Variants in CMYA5 observed in about 807,000 individuals in gnomAD.
The protein encoded by CMYA5 is cardiomyopathy associated 5, also known as cardiomyopathy-associated protein 5.
Under a neutral mutation model 318.9 loss-of-function variants are expected in CMYA5, and 246 were observed. The ratio of observed to expected loss-of-function variants is 0.77; its 90% CI spans 0.70 to 0.86. The LOEUF (loss-of-function observed/expected upper bound fraction) is 0.86, where lower values mean the gene tolerates loss of function less well. CMYA5 is among the 40% of genes least tolerant of loss of function. The pLI, the probability that CMYA5 is intolerant of heterozygous loss-of-function variation, is 0.00. For missense variants in CMYA5, 4,589 were observed against 4,678.2 expected, an observed-to-expected ratio of 0.98 and a Z score of 0.56; for synonymous variants, 1,641 against 1,729.5, an observed-to-expected ratio of 0.95 and a Z score of 1.27.
chr5:79,723,354 G>A (rs562993754), intron 1 of CMYA5, among the ~76,000 whole-genome samples: 8 of 150,980 alleles, frequency 5.3e-5, no homozygotes, highest in African/African-American at 7.3e-5. Flanking sequence ...CAGGAGAATC[G>A]CTTGAACTCT....
intron 9 of CMYA5, among the ~76,000 whole-genome samples, chr5:79,769,615 G>A (rs1490036289): frequency 6.6e-6 from 1 of 152,130 alleles, no homozygotes; most frequent in African/African-American, 2.4e-5. Context: ...GTTTGCCTGG[G>A]TATCACAAGC....
intron 1 of CMYA5, among the ~76,000 whole-genome samples, chr5:79,705,617 G>C (rs1196157685): frequency 1.3e-5 from 2 of 152,120 alleles, no homozygotes; most frequent in Admixed American, 1.3e-4. Context: ...ATTGAACAGA[G>C]CTACAGACCT....
rs762823517 is a variant in CMYA5, at chr5:79,736,595, A to G, written c.7830A>G (p.Arg2610=). The G allele has an allele frequency of 2.5e-6, 4 of 1,613,826 alleles. No homozygotes were observed. The highest frequency in any genetic ancestry group is 3.4e-6 in the Non-Finnish European group (4 of 1,179,802). The change falls in exon 2 of 13, where the codon AGA becomes AGG. Residue 2610 remains arginine, a synonymous_variant. Coordinates refer to ENST00000446378, the MANE Select transcript of CMYA5 (RefSeq NM_153610.5). ...TCGCAGAGGCTCACCCAGAAATCAG[A>G]GAAGCAAAGGCAGTAGGAACCCAAC... The part of the protein sequence containing the change: ...AMLAEAHPEI[R]EAKAVGTQPH...
chr5:79,729,527 T>TAA lies in CMYA5; in HGVS notation c.764_765dup (p.Glu256LysfsTer15), dbSNP rs780793998. The stretch of plus-strand genomic sequence containing the variant: ...GAACATTGCCAAAGGGTTATGTAAT[T>TAA]AAAGAAATACATTATAGGAAAGGGA... On this transcript the variant is annotated frameshift_variant, in exon 2 of 13. Transcript: ENST00000446378. LOFTEE classifies it high-confidence loss of function. 43 of 1,612,290 alleles carry TAA rather than the reference T, an allele frequency of 2.7e-5. No homozygotes were observed. The South Asian group carries it at 4.7e-4, about 18-fold the overall frequency.
intron 12 of CMYA5, among the ~76,000 whole-genome samples, chr5:79,795,950 C>G (rs1206574969): frequency 6.6e-6 from 1 of 152,216 alleles, no homozygotes; most frequent in East Asian, 1.9e-4. Flanking sequence ...CCCACGCAGG[C>G]AGGCTTGGCT....
At chr5:79,717,069 G>A (rs1388677050) in intron 1 of CMYA5, among the ~76,000 whole-genome samples, 2 of 152,162 alleles carry the variant, frequency 1.3e-5, no homozygotes, top group Admixed American at 6.5e-5. Flanking sequence ...CCCCAGGCAA[G>A]CAAACCACTC....
chr5:79,710,258 T>C (rs774673421), intron 1 of CMYA5, among the ~76,000 whole-genome samples: 7 of 152,152 alleles, frequency 4.6e-5, no homozygotes, highest in African/African-American at 7.2e-5. Flanking sequence ...AAATATGTTA[T>C]TGATGTTGAC....
chr5:79,760,133 C>T (rs1026188047), intron 7 of CMYA5, among the ~76,000 whole-genome samples: 1 of 150,590 alleles, frequency 6.6e-6, no homozygotes, highest in Admixed American at 6.6e-5. Context: ...CTATTTCTAG[C>T]TCTATTTCAT....
At chr5:79,762,039 A>G (rs1828663296) in intron 8 of CMYA5, 82 bp downstream of exon 8, 3 of 1,435,512 alleles carry the variant, frequency 2.1e-6, no homozygotes, top group Non-Finnish European at 2.8e-6. Flanking sequence ...GTAAGTGTTT[A>G]TTAAGCACCT....
intron 9 of CMYA5, among the ~76,000 whole-genome samples, chr5:79,769,109 G>A (rs4704587): frequency 0.11 from 16,233 of 151,786 alleles, 1,152 homozygotes; most frequent in East Asian, 0.31. Flanking sequence ...TTGTGTAGGC[G>A]TCAAGAAGTT....
At chr5:79,699,898 AT>A (rs1312301720) in intron 1 of CMYA5, among the ~76,000 whole-genome samples, 1 of 152,226 alleles carries the variant, frequency 6.6e-6, no homozygotes, top group Non-Finnish European at 1.5e-5. Flanking sequence ...TACTTGACTC[AT>A]TAAAAGAAAA....
chr5:79,776,477 C>T (rs1828940485), intron 9 of CMYA5, among the ~76,000 whole-genome samples: 1 of 152,096 alleles, frequency 6.6e-6, no homozygotes, highest in Non-Finnish European at 1.5e-5. Flanking sequence ...CTCATGTTCT[C>T]AAGTAGTTTT....
intron 11 of CMYA5, among the ~76,000 whole-genome samples, chr5:79,792,341 G>A (rs1829195487): frequency 6.6e-6 from 1 of 152,148 alleles, no homozygotes; most frequent in Non-Finnish European, 1.5e-5. Context: ...AAAATAGATT[G>A]AAGAAATAGA....
intron 1 of CMYA5, among the ~76,000 whole-genome samples, chr5:79,694,969 C>G (rs1051762896): frequency 2.6e-5 from 4 of 152,086 alleles, no homozygotes; most frequent in Non-Finnish European, 5.9e-5. Context: ...TATTTTATGT[C>G]CTTGGTAAGA....
In CMYA5 at chr5:79,738,105, A is replaced by C. The variant is rs776304789; in HGVS notation, c.9340A>C (p.Ser3114Arg). The C allele has an allele frequency of 1.2e-6, 2 of 1,613,546 alleles. No individual in the cohort carries two copies. The highest frequency in any genetic ancestry group is 1.7e-6 in the Non-Finnish European group (2 of 1,179,780). ...HEYDLVKLDE[S>R]FYGPEKGHNI... is the part of the protein sequence containing the mutation. ...ATATGACTTGGTGAAATTAGATGAA[A>C]GTTTTTATGGACCAGAAAAGGGCCA... The change falls in exon 2 of 13, where the codon AGT becomes CGT. Residue 3114 changes from serine (S) to arginine (R), a missense_variant. By Grantham distance (110) the Ser-to-Arg change is moderately radical (BLOSUM62 -1). Transcript: ENST00000446378.
At chr5:79,796,784 C>T (rs1486287704) in intron 12 of CMYA5, among the ~76,000 whole-genome samples, 12 of 152,130 alleles carry the variant, frequency 7.9e-5, no homozygotes, top group African/African-American at 2.7e-4. Flanking sequence ...TAAATGATGT[C>T]ATTATTTTAT....
chr5:79,766,033 G>A (rs1224035837), intron 9 of CMYA5, among the ~76,000 whole-genome samples: 1 of 152,168 alleles, frequency 6.6e-6, no homozygotes, highest in Non-Finnish European at 1.5e-5. Context: ...ATGTTGAATA[G>A]GAGTGGTGAG....
chr5:79,713,350 T>C (rs1308515753), intron 1 of CMYA5, among the ~76,000 whole-genome samples: 1 of 128,978 alleles, frequency 7.8e-6, no homozygotes, highest in Non-Finnish European at 1.6e-5. Context: ...CTAATGTCAA[T>C]AGTGTCACTG....
intron 1 of CMYA5, 128 bp downstream of exon 1, chr5:79,690,184 C>A: frequency 7.7e-7 from 1 of 1,301,110 alleles, no homozygotes; most frequent in Non-Finnish European, 9.9e-7. Flanking sequence ...TCTGGGTGCA[C>A]TGTCGTTTAA....
Sources: gnomAD v4.1 joint callset for allele counts (sites outside exome capture counted in the v4.1 genomes callset) on GRCh38, gnomAD v4.1.1 for gene constraint, MANE v1.5 for transcripts, NCBI Gene and HGNC (gene_info 2026-07-23, HGNC 2026-07-21) for gene names.